The following VAX2 variants were observed in gnomAD, a reference collection of about 807,000 sequenced individuals.
The protein encoded by VAX2 is ventral anterior homeobox 2.
A neutral mutation model predicts 12.5 loss-of-function variants in VAX2; 8 were observed. The observed-to-expected ratio is 0.64, with a 90% CI of 0.37 to 1.15. VAX2 has a LOEUF of 1.15. Ranked by LOEUF, VAX2 falls within the 50% of genes most tolerant of loss-of-function variation. VAX2 has a pLI of 0.01. For missense variants in VAX2, 476 were observed against 412.9 expected (o/e 1.15, Z -1.32); for synonymous variants, 183 against 187.6 (o/e 0.98, Z 0.20).
intron 2 of VAX2, chr2:70,924,456 A>G (rs1257771677): frequency 1.3e-5 from 2 of 152,164 alleles, no homozygotes; most frequent in African/African-American, 4.8e-5. Context: ...TCGGCCTTCC[A>G]AAGTGCTGGG....
At chr2:70,928,442 A>G (rs959053) in intron 2 of VAX2, among the ~76,000 whole-genome samples, 118,813 of 152,078 alleles carry the variant, frequency 0.78, 46,666 homozygotes, top group East Asian at 0.87. Flanking sequence ...GACCTAGCCC[A>G]TATGTGGCCA....
In VAX2 at chr2:70,933,037, T is replaced by C; in HGVS notation, c.706T>C (p.Ser236Pro). 2 of 1,598,706 alleles carry C rather than the reference T, an allele frequency of 1.3e-6. No homozygotes were observed. Among genetic ancestry groups the C allele is most frequent in the Non-Finnish European group, 1.7e-6 (2 of 1,172,248 alleles). Residue 236 changes from serine (S) to proline (P), a missense_variant, in exon 3 of 3, where the codon TCA becomes CCA. Coordinates refer to ENST00000234392, the MANE Select transcript of VAX2 (RefSeq NM_012476.3). ...SPRLNPLSSA[S>P]ASPPLPPPLP... is the part of the protein sequence containing the mutation. Reference sequence around the variant, plus strand: ...ACGCCTCAACCCGCTGTCCTCGGCCTCAGCGTCCCCCCCACTGCCGCCCCC... The same window carrying C: ...ACGCCTCAACCCGCTGTCCTCGGCCCCAGCGTCCCCCCCACTGCCGCCCCC...
At chr2:70,918,678 C>T (rs553208471) in intron 1 of VAX2, among the ~76,000 whole-genome samples, 16 of 150,492 alleles carry the variant, frequency 1.1e-4, no homozygotes, top group South Asian at 8.5e-4. Context: ...GGGCAGATCA[C>T]GAGGTCAGGA....
At chr2:70,918,518 G>T (rs990282963) in intron 1 of VAX2, among the ~76,000 whole-genome samples, 2 of 152,154 alleles carry the variant, frequency 1.3e-5, no homozygotes, top group African/African-American at 4.8e-5. Context: ...TTCTCTAGGG[G>T]AATGATGAAC....
At chr2:70,908,602 T>C (rs920024623) in intron 1 of VAX2, among the ~76,000 whole-genome samples, 24 of 152,264 alleles carry the variant, frequency 1.6e-4, no homozygotes, top group African/African-American at 5.8e-4. Flanking sequence ...GTTGCTATTA[T>C]ATGTAATCCT....
chr2:70,928,681 G>A (rs1368776341), intron 2 of VAX2, among the ~76,000 whole-genome samples: 1 of 152,160 alleles, frequency 6.6e-6, no homozygotes, highest in African/African-American at 2.4e-5. Flanking sequence ...CCCTGAGTAC[G>A]AATTGCCCTC....
chr2:70,929,905 C>T (rs1484606513), intron 2 of VAX2, among the ~76,000 whole-genome samples: 5 of 152,208 alleles, frequency 3.3e-5, no homozygotes, highest in African/African-American at 4.8e-5. Context: ...GCCCACTCCA[C>T]GTGGCAAGGA....
chr2:70,917,355 A>G (rs1679332394), intron 1 of VAX2, among the ~76,000 whole-genome samples: 1 of 149,878 alleles, frequency 6.7e-6, no homozygotes, highest in Non-Finnish European at 1.5e-5. Context: ...AACAAAAACA[A>G]ATATTTCATT....
intron 2 of VAX2, among the ~76,000 whole-genome samples, chr2:70,930,046 T>C (rs1304091058): frequency 1.3e-5 from 2 of 152,156 alleles, no homozygotes; most frequent in African/African-American, 4.8e-5. Context: ...TTATTGAATC[T>C]GCATCCGCCA....
rs1385517286 is a variant in VAX2, at chr2:70,904,036, CA to C, written c.247+3169del. Reference sequence around the variant, plus strand: ...AAAATGAAGACTCCTACATGTCACACATGGGCACGGACCAGAGCTGCTGAGA... The same window carrying C: ...AAAATGAAGACTCCTACATGTCACACTGGGCACGGACCAGAGCTGCTGAGA... On this transcript the variant is annotated intron_variant, in intron 1 of 2. Transcript: ENST00000234392. This position sits in a 1 kb window ranked among gnomAD's most constrained non-coding sequence, Gnocchi z 4.2. Among the ~76,000 whole-genome samples, 4 of 152,178 alleles carry C rather than the reference CA, an allele frequency of 2.6e-5. No individual in the cohort carries two copies. The highest frequency in any genetic ancestry group is 9.7e-5 in the African/African-American group (4 of 41,438).
chr2:70,933,225 G>A lies in VAX2; in HGVS notation c.*21G>A, dbSNP rs782361299. 8 of 1,498,986 alleles carry A rather than the reference G, an allele frequency of 5.3e-6. No individual in the cohort carries two copies. The highest frequency in any genetic ancestry group is 1.8e-4 in the Middle Eastern group (1 of 5,572). The allele number at this position is 1,498,986 out of a possible 1,614,324, so 92.9% of individuals were successfully genotyped here. On this transcript the variant is annotated 3_prime_UTR_variant, in exon 3 of 3. Transcript: ENST00000234392. ...CTTAAGACTCCCACCCTGTGACACTGAGTCCCGAGCACAGCACCTTCCCAG... is the reference window on the plus strand; with the variant it reads ...CTTAAGACTCCCACCCTGTGACACTAAGTCCCGAGCACAGCACCTTCCCAG...
chr2:70,913,919 T>C (rs1679251717), intron 1 of VAX2, among the ~76,000 whole-genome samples: 1 of 152,242 alleles, frequency 6.6e-6, no homozygotes, highest in South Asian at 2.1e-4. Flanking sequence ...TGTTATTCTG[T>C]AACTTACTTT....
chr2:70,931,542 C>T (rs574532054), intron 2 of VAX2, among the ~76,000 whole-genome samples: 4 of 152,344 alleles, frequency 2.6e-5, no homozygotes, highest in Admixed American at 2.6e-4. Flanking sequence ...GGCATCTGGC[C>T]CCTCCTCTGG....
intron 1 of VAX2, among the ~76,000 whole-genome samples, chr2:70,913,341 C>T (rs539358550): frequency 2.0e-5 from 3 of 152,346 alleles, no homozygotes; most frequent in South Asian, 4.1e-4. Context: ...CTTCCCAACA[C>T]TCGTCTTTGC....
intron 1 of VAX2, among the ~76,000 whole-genome samples, chr2:70,910,077 A>G (rs1379201496): frequency 1.3e-5 from 2 of 152,078 alleles, no homozygotes; most frequent in Non-Finnish European, 2.9e-5. Flanking sequence ...TTTTATTGTG[A>G]TAATAGTATT....
intron 1 of VAX2, among the ~76,000 whole-genome samples, chr2:70,915,011 G>A (rs1679277743): frequency 6.6e-6 from 1 of 152,072 alleles, no homozygotes; most frequent in Non-Finnish European, 1.5e-5. Flanking sequence ...ATGTTGCCCA[G>A]GCTGGTCTCC....
chr2:70,902,836 C>T (rs948460722), intron 1 of VAX2, among the ~76,000 whole-genome samples: 4 of 152,180 alleles, frequency 2.6e-5, no homozygotes, highest in South Asian at 2.1e-4. Context: ...AGCCTGTGTG[C>T]GTCTTCAGGG....
chr2:70,927,958 G>A (rs1292515743), intron 2 of VAX2, among the ~76,000 whole-genome samples: 1 of 152,162 alleles, frequency 6.6e-6, no homozygotes, highest in Non-Finnish European at 1.5e-5. Context: ...GCACAGCTGC[G>A]GAGGTGTGCT....
chr2:70,901,216 A>G (rs1678915715), intron 1 of VAX2, among the ~76,000 whole-genome samples: 1 of 152,228 alleles, frequency 6.6e-6, no homozygotes, highest in South Asian at 2.1e-4. Context: ...AAGTGCGGAG[A>G]AAAGCGTCTT....
Sources: gnomAD v4.1 joint callset for allele counts (sites outside exome capture counted in the v4.1 genomes callset) on GRCh38, gnomAD v4.1.1 for gene constraint, Gnocchi (gnomAD v3.1) non-coding constraint, MANE v1.5 for transcripts, NCBI Gene and HGNC (gene_info 2026-07-23, HGNC 2026-07-21) for gene names.